The following ARHGEF28 variants were observed in gnomAD, a reference collection of about 807,000 sequenced individuals.
ARHGEF28 encodes the protein 190 kDa guanine nucleotide exchange factor.
In ARHGEF28, 152 loss-of-function variants were observed where a neutral mutation model predicts 206.6. That is an observed-to-expected ratio of 0.74 (90% CI 0.64 to 0.84). ARHGEF28 has a LOEUF of 0.84. Among genes scored for constraint, ARHGEF28 ranks in the 40% least tolerant of loss-of-function variants. ARHGEF28 has a pLI of 0.00. For missense variants in ARHGEF28, 2,028 were observed against 2,073.2 expected, an observed-to-expected ratio of 0.98 and a Z score of 0.42; for synonymous variants, 763 against 776.4, an observed-to-expected ratio of 0.98 and a Z score of 0.29.
intron 2 of ARHGEF28, 76 bp from the exon 3 acceptor site, chr5:73,749,761 C>A: frequency 6.5e-7 from 1 of 1,537,992 alleles, no homozygotes; most frequent in Admixed American, 1.8e-5. Context: ...TGTTATGGAC[C>A]CAGGTCCTTT....
intron 26 of ARHGEF28, among the ~76,000 whole-genome samples, chr5:73,888,133 A>G (rs1229746972): frequency 6.6e-6 from 1 of 152,064 alleles, no homozygotes; most frequent in Non-Finnish European, 1.5e-5. Context: ...GGCTTTCTCC[A>G]TGCCCATTGG....
At chr5:73,684,814 T>C in intron 1 of ARHGEF28, 27 bp from the exon 2 acceptor site, 1 of 1,603,344 alleles carries the variant, frequency 6.2e-7, no homozygotes, top group East Asian at 2.2e-5. Context: ...CTGCAATAAC[T>C]TCTCTTGTTT....
intron 11 of ARHGEF28, among the ~76,000 whole-genome samples, chr5:73,843,282 G>A (rs1326536675): frequency 6.6e-6 from 1 of 152,188 alleles, no homozygotes; most frequent in Non-Finnish European, 1.5e-5. Context: ...CTGTGAAGAT[G>A]TCACTGCTCA....
chr5:73,902,591 T>C (rs958063718), intron 31 of ARHGEF28: 2 of 152,212 alleles, frequency 1.3e-5, no homozygotes, highest in East Asian at 1.9e-4. Context: ...GAAATCAAAC[T>C]TTTAAAAGGT....
At chr5:73,752,783 C>T in intron 3 of ARHGEF28, 126 bp from the exon 4 acceptor site, 1 of 1,111,052 alleles carries the variant, frequency 9.0e-7, no homozygotes, top group South Asian at 1.6e-5. Flanking sequence ...GGCTGGCTTT[C>T]CTTTCTGCTT....
intron 2 of ARHGEF28, among the ~76,000 whole-genome samples, chr5:73,735,656 A>G (rs1236042841): frequency 6.6e-6 from 1 of 152,204 alleles, no homozygotes; most frequent in Non-Finnish European, 1.5e-5. Context: ...TGTGTCTCCT[A>G]GACTGGTCTT....
intron 20 of ARHGEF28, 104 bp downstream of exon 20, chr5:73,868,331 A>G (rs919563085): frequency 1.8e-5 from 25 of 1,374,316 alleles, no homozygotes; most frequent in Non-Finnish European, 1.4e-5. Context: ...TTTCTTTTTC[A>G]AAGAAGTCTG....
At position 73,832,378 on chromosome 5, in the gene ARHGEF28, G is replaced by T. The variant is rs368657606; in HGVS notation, c.1065G>T (p.Ser355=). 13 of 1,612,544 alleles carry T rather than the reference G, an allele frequency of 8.1e-6. No individual in the cohort carries two copies. The highest frequency in any genetic ancestry group is 1.1e-5 in the Non-Finnish European group (13 of 1,179,258). ...TCCTAAAAAAATCCAAGCCGCCCTCGACATTGCTTGCTGCAGGCCGGCTTT... is the reference window on the plus strand; with the variant it reads ...TCCTAAAAAAATCCAAGCCGCCCTCTACATTGCTTGCTGCAGGCCGGCTTT... ...FDILKKSKPP[S]TLLAAGRLSD... Residue 355 remains serine (S), a synonymous_variant, in exon 10 of 36, where the codon TCG becomes TCT. Coordinates refer to ENST00000513042, the MANE Select transcript of ARHGEF28 (RefSeq NM_001177693.2).
chr5:73,769,120 A>G (rs1170479289), intron 4 of ARHGEF28, among the ~76,000 whole-genome samples: 1 of 148,552 alleles, frequency 6.7e-6, no homozygotes, highest in Non-Finnish European at 1.5e-5. Flanking sequence ...GTATGTCTTT[A>G]TCAGCAGCAT....
chr5:73,792,014 C>T (rs975250368), intron 7 of ARHGEF28, among the ~76,000 whole-genome samples: 2 of 152,082 alleles, frequency 1.3e-5, no homozygotes, highest in Non-Finnish European at 2.9e-5. Flanking sequence ...AGAAACTCTC[C>T]TAGAGCAATT....
At chr5:73,653,448 T>C (rs1222292816) in intron 1 of ARHGEF28, among the ~76,000 whole-genome samples, 1 of 152,184 alleles carries the variant, frequency 6.6e-6, no homozygotes, top group Non-Finnish European at 1.5e-5. Context: ...AGTTTGAGGA[T>C]ATATGCTTAT....
chr5:73,904,383 C>T lies in ARHGEF28; in HGVS notation c.4139C>T (p.Thr1380Ile). ...ATTATACAAGCCATACAGAATTTAA[C>T]CCGTCTCTTATACAGCCTTCAGGTA... ...SEIIQAIQNL[T>I]RLLYSLQAAL... The change falls in exon 33 of 36, where the codon ACC (threonine) becomes ATC (isoleucine). Residue 1380 changes from threonine (T) to isoleucine (I), a missense_variant. Transcript: ENST00000513042. The T allele has an allele frequency of 6.2e-7, 1 of 1,612,652 alleles. No individual in the cohort carries two copies. Among genetic ancestry groups the T allele is most frequent in the Non-Finnish European group, 8.5e-7 (1 of 1,179,436 alleles).
chr5:73,741,346 T>C (rs2112375006), intron 2 of ARHGEF28, among the ~76,000 whole-genome samples: 1 of 22,046 alleles, frequency 4.5e-5, no homozygotes, highest in South Asian at 1.6e-3. Flanking sequence ...TTTATATGTG[T>C]GTGTGTGTGT....
At chr5:73,873,640 A>G (rs531415679) in intron 22 of ARHGEF28, among the ~76,000 whole-genome samples, 1 of 152,206 alleles carries the variant, frequency 6.6e-6, no homozygotes, top group East Asian at 1.9e-4. Context: ...CTCCAAATGT[A>G]CTGTTTTTTG....
chr5:73,722,916 A>C (rs1216557615), intron 2 of ARHGEF28, among the ~76,000 whole-genome samples: 1 of 152,236 alleles, frequency 6.6e-6, no homozygotes, highest in African/African-American at 2.4e-5. Context: ...TTAGACCGTC[A>C]TCTTGAGGCC....
At chr5:73,939,216 G>A (rs1742421043) in intron 35 of ARHGEF28, among the ~76,000 whole-genome samples, 2 of 152,166 alleles carry the variant, frequency 1.3e-5, no homozygotes, top group South Asian at 4.1e-4. Context: ...TTCCCAGCCT[G>A]TAAATTGTGG....
At chr5:73,855,732 CAAAA>C (rs777664317) in intron 14 of ARHGEF28, among the ~76,000 whole-genome samples, 3 of 121,762 alleles carry the variant, frequency 2.5e-5, no homozygotes, top group Non-Finnish European at 5.2e-5. Flanking sequence ...AACTCCATCT[CAAAA>C]AAAAAAAAAA....
chr5:73,894,446 C>T lies in ARHGEF28; in HGVS notation c.3712C>T (p.His1238Tyr), dbSNP rs753023699. ...QICAYLEEKL[H>Y]IYAELGELSG... ...TTGTGCGTATTTGGAGGAGAAGCTG[C>T]ATATCTATGCTGAACTTGGAGAACT... is the stretch of plus-strand genomic sequence containing the variant. The change falls in exon 29 of 36, where the codon CAT (histidine) becomes TAT (tyrosine). Residue 1238 changes from histidine to tyrosine, a missense_variant. By Grantham distance (83) the His-to-Tyr change is moderately conservative (BLOSUM62 2). Coordinates refer to ENST00000513042, the MANE Select transcript of ARHGEF28 (RefSeq NM_001177693.2). 6.2e-7 allele frequency: 1 copy of T among 1,613,642 alleles called. No individual in the cohort carries two copies. The highest frequency in any genetic ancestry group is 8.5e-7 in the Non-Finnish European group (1 of 1,179,780).
chr5:73,691,387 C>T (rs1747819793), intron 2 of ARHGEF28, among the ~76,000 whole-genome samples: 1 of 151,958 alleles, frequency 6.6e-6, no homozygotes, highest in Non-Finnish European at 1.5e-5. Flanking sequence ...ACCCCATTTC[C>T]CCTCACCCCC....
Sources: gnomAD v4.1 joint callset for allele counts (sites outside exome capture counted in the v4.1 genomes callset) on GRCh38, gnomAD v4.1.1 for gene constraint, MANE v1.5 for transcripts, NCBI Gene and HGNC (gene_info 2026-07-23, HGNC 2026-07-21) for gene names.